The following CEP170 variants were observed in gnomAD, a reference collection of about 807,000 sequenced individuals.
The protein encoded by CEP170 is centrosomal protein 170.
A neutral mutation model predicts 151.9 loss-of-function variants in CEP170; 21 were observed. The observed-to-expected ratio is 0.14, with a 90% CI of 0.10 to 0.20. The LOEUF is 0.20. Ranked by LOEUF, CEP170 falls within the 10% of genes least tolerant of loss-of-function variation. The pLI, the probability that CEP170 is intolerant of heterozygous loss-of-function variation, is 1.00. For synonymous variants in CEP170, 356 were observed against 648.8 expected (o/e 0.55, Z 6.86); for missense variants, 964 against 1,892.9 (o/e 0.51, Z 9.11).
At chr1:243,192,852 G>A (rs1378729490) in intron 7 of CEP170, among the ~76,000 whole-genome samples, 4 of 151,950 alleles carry the variant, frequency 2.6e-5, no homozygotes, top group Admixed American at 1.3e-4. Context: ...GATAGGGCAC[G>A]GAAGACAACA....
intron 14 of CEP170, among the ~76,000 whole-genome samples, chr1:243,145,771 C>G (rs911146329): frequency 2.6e-5 from 4 of 152,176 alleles, no homozygotes; most frequent in African/African-American, 7.2e-5. Context: ...GTCAAACCTC[C>G]TGTTACTTTA....
chr1:243,243,674 C>T (rs904402643), intron 1 of CEP170, among the ~76,000 whole-genome samples: 2 of 152,004 alleles, frequency 1.3e-5, no homozygotes, highest in Non-Finnish European at 2.9e-5. Flanking sequence ...CAGGTGCACA[C>T]CACCATGCCC....
intron 7 of CEP170, among the ~76,000 whole-genome samples, chr1:243,198,234 A>G: frequency 6.6e-6 from 1 of 152,038 alleles, no homozygotes; most frequent in Non-Finnish European, 1.5e-5. Context: ...ATGTCTTTGC[A>G]AGGTCCTTAT....
chr1:243,144,842 AG>A (rs1447778727), intron 14 of CEP170, among the ~76,000 whole-genome samples: 7 of 152,226 alleles, frequency 4.6e-5, no homozygotes, highest in African/African-American at 1.4e-4. Flanking sequence ...ATAGTGCTGA[AG>A]GAACAAAACA....
intron 13 of CEP170, among the ~76,000 whole-genome samples, chr1:243,160,542 T>C (rs1340785045): frequency 1.3e-5 from 2 of 152,222 alleles, no homozygotes; most frequent in Non-Finnish European, 2.9e-5. Context: ...GAGTTGTTAG[T>C]ATCATATTTC....
chr1:243,231,949 C>T (rs1022084493), intron 1 of CEP170, among the ~76,000 whole-genome samples: 1 of 150,760 alleles, frequency 6.6e-6, no homozygotes, highest in African/African-American at 2.5e-5. Context: ...ACTGTCTTTT[C>T]TTCTTCTTCT....
Position 243,233,804 on chromosome 1 carries a change from C to T in CEP170, c.-41-8483G>A, listed in dbSNP as rs527553206. ...GTTCCTATTCACATATCATTCAAAT[C>T]GAGGAATGATGGCAAGAGGGGTCTG... is the stretch of plus-strand genomic sequence containing the variant. On this transcript the variant is annotated intron_variant, in intron 1 of 19. Coordinates refer to ENST00000366542, the MANE Select transcript of CEP170 (RefSeq NM_014812.3). 1.0e-4 allele frequency among the ~76,000 whole-genome samples: 15 copies of T among 148,726 alleles called. No homozygotes were observed. In the South Asian group the frequency reaches 2.3e-3, roughly 23 times the overall value.
intron 13 of CEP170, among the ~76,000 whole-genome samples, chr1:243,161,336 T>C (rs547098993): frequency 1.1e-4 from 17 of 151,910 alleles, no homozygotes; most frequent in Non-Finnish European, 2.5e-4. Flanking sequence ...GAAAGAATGT[T>C]TTGGGGAAAA....
At chr1:243,254,734 G>A (rs1007318151) in intron 1 of CEP170, among the ~76,000 whole-genome samples, 1 of 151,764 alleles carries the variant, frequency 6.6e-6, no homozygotes, top group Non-Finnish European at 1.5e-5. Flanking sequence ...AGGGGATGCG[G>A]AGGCGGCAGC....
intron 3 of CEP170, among the ~76,000 whole-genome samples, chr1:243,219,407 G>A (rs2062595291): frequency 6.6e-6 from 1 of 152,174 alleles, no homozygotes; most frequent in African/African-American, 2.4e-5. Flanking sequence ...ACAGATCTGA[G>A]TTTCAAATCC....
At chr1:243,161,228 A>G (rs1042335302) in intron 13 of CEP170, among the ~76,000 whole-genome samples, 1 of 151,660 alleles carries the variant, frequency 6.6e-6, no homozygotes, top group African/African-American at 2.4e-5. Flanking sequence ...ACTTGAATCC[A>G]GGAGGCAGAG....
At chr1:243,242,955 C>G (rs1048908630) in intron 1 of CEP170, among the ~76,000 whole-genome samples, 1 of 152,262 alleles carries the variant, frequency 6.6e-6, no homozygotes, top group Non-Finnish European at 1.5e-5. Flanking sequence ...CTGCCTCGGC[C>G]TGCCAAAGTG....
At chr1:243,139,094 A>G (rs531223592) in intron 16 of CEP170, among the ~76,000 whole-genome samples, 1 of 149,548 alleles carries the variant, frequency 6.7e-6, no homozygotes, top group Non-Finnish European at 1.5e-5. Context: ...GGCCTTAAGT[A>G]TTTTCTTTTT....
intron 17 of CEP170, among the ~76,000 whole-genome samples, chr1:243,132,318 G>A (rs2054522376): frequency 6.6e-6 from 1 of 152,172 alleles, no homozygotes; most frequent in Non-Finnish European, 1.5e-5. Flanking sequence ...AACCTCCTAG[G>A]TGAAAGTGAT....
chr1:243,231,484 T>C (rs568543472), intron 1 of CEP170, among the ~76,000 whole-genome samples: 6 of 152,236 alleles, frequency 3.9e-5, no homozygotes, highest in African/African-American at 1.4e-4. Context: ...AATAAACAAG[T>C]TCATAAAGCA....
chr1:243,140,136 G>C (rs763336621), intron 15 of CEP170, 29 bp from the exon 16 acceptor site: 1 of 1,592,866 alleles, frequency 6.3e-7, no homozygotes, highest in Admixed American at 1.7e-5. Flanking sequence ...ACCTTTATGA[G>C]AACACAGTAA....
At chr1:243,228,165 A>T (rs1305363142) in intron 1 of CEP170, among the ~76,000 whole-genome samples, 10 of 152,244 alleles carry the variant, frequency 6.6e-5, no homozygotes, top group Admixed American at 6.5e-4. Flanking sequence ...ATATATCTCT[A>T]TATATTAAAC....
At chr1:243,212,050 T>C (rs1281380014) in intron 3 of CEP170, 86 bp from the exon 4 acceptor site, 1 of 1,247,336 alleles carries the variant, frequency 8.0e-7, no homozygotes, top group East Asian at 2.7e-5. Flanking sequence ...AATCTGAGAG[T>C]TAAAAGCACA....
At chr1:243,184,561 C>T (rs1401680837) in intron 10 of CEP170, among the ~76,000 whole-genome samples, 3 of 151,996 alleles carry the variant, frequency 2.0e-5, no homozygotes, top group African/African-American at 7.2e-5. Flanking sequence ...CAGTGGTAAA[C>T]CTGAAGCATG....
Sources: gnomAD v4.1 joint callset for allele counts (sites outside exome capture counted in the v4.1 genomes callset) on GRCh38, gnomAD v4.1.1 for gene constraint, MANE v1.5 for transcripts, NCBI Gene and HGNC (gene_info 2026-07-23, HGNC 2026-07-21) for gene names.